Variants in DLGAP1 observed in about 807,000 individuals in gnomAD.
The protein encoded by DLGAP1 is DLG associated protein 1.
A neutral mutation model predicts 90.8 loss-of-function variants in DLGAP1; 11 were observed. The observed-to-expected ratio is 0.12, with a 90% confidence interval of 0.08 to 0.20. The LOEUF (loss-of-function observed/expected upper bound fraction) is 0.20, where lower values mean the gene tolerates loss of function less well. Ranked by LOEUF, DLGAP1 falls within the 10% of genes least tolerant of loss-of-function variation. The pLI is 1.00. For missense variants in DLGAP1, 1,050 were observed against 1,333.8 expected (o/e 0.79, Z 3.31); for synonymous variants, 558 against 540.7 (o/e 1.03, Z -0.44).
intron 1 of DLGAP1, among the ~76,000 whole-genome samples, chr18:4,404,142 A>C (rs1445595811): frequency 6.6e-6 from 1 of 152,192 alleles, no homozygotes; most frequent in Non-Finnish European, 1.5e-5. Flanking sequence ...GATGGTGATA[A>C]AAATGTTCCT....
chr18:3,897,941 C>T (rs985445460), intron 3 of DLGAP1, among the ~76,000 whole-genome samples: 15 of 151,536 alleles, frequency 9.9e-5, no homozygotes, highest in Non-Finnish European at 1.9e-4. Context: ...ACTACAGGCG[C>T]CCGCCACCGC....
intron 7 of DLGAP1, among the ~76,000 whole-genome samples, chr18:3,602,226 A>G (rs1333843748): frequency 1.3e-5 from 2 of 152,124 alleles, no homozygotes; most frequent in Non-Finnish European, 2.9e-5. Context: ...ATTTCCCAAA[A>G]TGCATGCTTT....
chr18:3,581,664 G>A (rs1194821253), intron 8 of DLGAP1, among the ~76,000 whole-genome samples: 41 of 142,034 alleles, frequency 2.9e-4, no homozygotes, highest in Admixed American at 2.8e-4. Context: ...TTCTCACCAT[G>A]AAAAAAAAAA....
At chr18:3,921,431 G>A (rs1303427514) in intron 3 of DLGAP1, among the ~76,000 whole-genome samples, 1 of 152,202 alleles carries the variant, frequency 6.6e-6, no homozygotes, top group Non-Finnish European at 1.5e-5. Flanking sequence ...TGGTGTGGTG[G>A]AAAGAACATG....
At chr18:4,386,187 T>C (rs12962357) in intron 1 of DLGAP1, among the ~76,000 whole-genome samples, 10,243 of 152,230 alleles carry the variant, frequency 0.067, 422 homozygotes, top group African/African-American at 0.12. Context: ...GCTAAATTTA[T>C]CCTATCCTCA....
chr18:4,455,228 G>A lies in DLGAP1; in HGVS notation c.-489C>T, dbSNP rs976216981. The A allele has an allele frequency of 1.3e-5, 2 of 151,644 alleles. No homozygotes were observed. The highest frequency in any genetic ancestry group is 1.3e-4 in the Admixed American group (2 of 15,230). 9.4% of individuals were successfully genotyped at this position (151,644 alleles called of 1,614,324 possible). A position where few individuals can be genotyped will look rare whatever the true frequency, so the allele number is the denominator to read the frequency against. On this transcript the variant is annotated 5_prime_UTR_variant, in exon 1 of 13. Transcript: ENST00000315677. ...CGCGAGGCCGTGTCCTGGAGATTGCGGCGCCCGAAGCGCAGCGCTCGCCTC... is the reference window on the plus strand; with the variant it reads ...CGCGAGGCCGTGTCCTGGAGATTGCAGCGCCCGAAGCGCAGCGCTCGCCTC...
At chr18:4,208,272 G>GA (rs1031824847) in intron 1 of DLGAP1, among the ~76,000 whole-genome samples, 1 of 152,048 alleles carries the variant, frequency 6.6e-6, no homozygotes, top group Non-Finnish European at 1.5e-5. Context: ...AATTTCCATA[G>GA]AAAAAATATT....
At chr18:3,629,628 C>T (rs1050968982) in intron 7 of DLGAP1, among the ~76,000 whole-genome samples, 45 of 151,644 alleles carry the variant, frequency 3.0e-4, no homozygotes, top group African/African-American at 9.9e-4. Context: ...GCCGAGATCG[C>T]GCCACCGCAC....
chr18:3,577,343 C>T (rs115378806), intron 8 of DLGAP1, among the ~76,000 whole-genome samples: 3 of 152,286 alleles, frequency 2.0e-5, no homozygotes, highest in African/African-American at 7.2e-5. Flanking sequence ...CTCAGTCTTC[C>T]CATACCTGTG....
intron 8 of DLGAP1, among the ~76,000 whole-genome samples, chr18:3,577,343 C>A (rs115378806): frequency 0.045 from 6,852 of 152,270 alleles, 188 homozygotes; most frequent in South Asian, 0.058. Flanking sequence ...CTCAGTCTTC[C>A]CATACCTGTG....
At chr18:4,133,956 G>A (rs2076358161) in intron 2 of DLGAP1, among the ~76,000 whole-genome samples, 1 of 151,170 alleles carries the variant, frequency 6.6e-6, no homozygotes, top group Non-Finnish European at 1.5e-5. Flanking sequence ...ATAAATCGAG[G>A]ATGACCCAAA....
chr18:3,564,150 A>G (rs1187781150), intron 9 of DLGAP1, among the ~76,000 whole-genome samples: 1 of 152,104 alleles, frequency 6.6e-6, no homozygotes, highest in South Asian at 2.1e-4. Flanking sequence ...AGTGGGCATG[A>G]TGTACTGGGT....
At chr18:4,049,981 C>G (rs2075110397) in intron 2 of DLGAP1, among the ~76,000 whole-genome samples, 1 of 152,040 alleles carries the variant, frequency 6.6e-6, no homozygotes, top group Non-Finnish European at 1.5e-5. Context: ...TATTCTTTCT[C>G]TCATTTATTA....
At chr18:4,415,058 CATAT>C (rs4057923) in intron 1 of DLGAP1, among the ~76,000 whole-genome samples, 13 of 150,688 alleles carry the variant, frequency 8.6e-5, no homozygotes, top group African/African-American at 2.4e-4. Flanking sequence ...CACACATACA[CATAT>C]ATATATATAT....
At chr18:4,120,357 C>T (rs1192357885) in intron 2 of DLGAP1, among the ~76,000 whole-genome samples, 1 of 152,164 alleles carries the variant, frequency 6.6e-6, no homozygotes, top group African/African-American at 2.4e-5. Context: ...AGGAAACAAT[C>T]AGACAACATG....
intron 2 of DLGAP1, among the ~76,000 whole-genome samples, chr18:4,086,893 T>C (rs2143687881): frequency 6.6e-6 from 1 of 151,848 alleles, no homozygotes; most frequent in South Asian, 2.1e-4. Context: ...TGTGGATTTG[T>C]TTATATCTCC....
chr18:3,896,897 GC>G (rs1233499021), intron 3 of DLGAP1: 1 of 152,302 alleles, frequency 6.6e-6, no homozygotes, highest in African/African-American at 2.4e-5. Context: ...GAGGGGCCCT[GC>G]CCCATATTCA....
chr18:3,617,805 C>A (rs1262406359), intron 7 of DLGAP1, among the ~76,000 whole-genome samples: 2 of 151,860 alleles, frequency 1.3e-5, no homozygotes, highest in East Asian at 2.0e-4. Flanking sequence ...GAGGCCAAGG[C>A]GGGTGGATCA....
chr18:4,244,379 G>T (rs1159445819), intron 1 of DLGAP1, among the ~76,000 whole-genome samples: 1 of 152,048 alleles, frequency 6.6e-6, no homozygotes, highest in Non-Finnish European at 1.5e-5. Flanking sequence ...TTTTTGAGAT[G>T]TTTCTAGATT....
Sources: gnomAD v4.1 joint callset for allele counts (sites outside exome capture counted in the v4.1 genomes callset) on GRCh38, gnomAD v4.1.1 for gene constraint, MANE v1.5 for transcripts, NCBI Gene and HGNC (gene_info 2026-07-23, HGNC 2026-07-21) for gene names.